ARSG: variants seen among roughly 807,000 people sequenced by gnomAD.
ARSG encodes the protein arylsulfatase G.
Under a neutral mutation model 50.5 loss-of-function variants are expected in ARSG, and 37 were observed. That is an observed-to-expected ratio of 0.73 (90% CI 0.56 to 0.96). The LOEUF (loss-of-function observed/expected upper bound fraction) is 0.96, where lower values mean the gene tolerates loss of function less well. ARSG is among the 50% of genes least tolerant of loss of function. The pLI is 0.00. For synonymous variants in ARSG, 225 were observed against 254.6 expected (o/e 0.88, Z 1.11); for missense variants, 629 against 675.3 (o/e 0.93, Z 0.76).
At chr17:68,353,775 C>G (rs2078906921) in intron 5 of ARSG, among the ~76,000 whole-genome samples, 1 of 152,182 alleles carries the variant, frequency 6.6e-6, no homozygotes. Flanking sequence ...AATCTCTGAT[C>G]ATTACAATTT....
chr17:68,371,797 A>G (rs1316523403), intron 8 of ARSG, among the ~76,000 whole-genome samples: 1 of 152,240 alleles, frequency 6.6e-6, no homozygotes, highest in Non-Finnish European at 1.5e-5. Context: ...AAGGAATAAC[A>G]AAGAACCACT....
At chr17:68,354,241 C>T (rs1194466505) in intron 5 of ARSG, among the ~76,000 whole-genome samples, 1 of 149,844 alleles carries the variant, frequency 6.7e-6, no homozygotes, top group Admixed American at 6.6e-5. Context: ...GTCAACACAA[C>T]AAAACCCCAT....
intron 11 of ARSG, among the ~76,000 whole-genome samples, chr17:68,407,900 C>G (rs1018227217): frequency 1.3e-5 from 2 of 151,914 alleles, no homozygotes; most frequent in African/African-American, 2.4e-5. Context: ...CTAGGACTTC[C>G]AGTAGTATGT....
At chr17:68,328,981 C>G (rs2145976852) in intron 2 of ARSG, among the ~76,000 whole-genome samples, 1 of 152,306 alleles carries the variant, frequency 6.6e-6, no homozygotes, top group South Asian at 2.1e-4. Flanking sequence ...TTGTGGAACT[C>G]TAATCTGGAT....
intron 4 of ARSG, 147 bp from the exon 5 acceptor site, chr17:68,351,428 G>A (rs1188719064): frequency 3.5e-6 from 2 of 567,326 alleles, no homozygotes; most frequent in East Asian, 2.9e-5. Context: ...ACTACAAAGG[G>A]ATATTAATCA....
At chr17:68,402,655 G>A (rs1272186748) in intron 11 of ARSG, among the ~76,000 whole-genome samples, 1 of 152,048 alleles carries the variant, frequency 6.6e-6, no homozygotes, top group Non-Finnish European at 1.5e-5. Flanking sequence ...CTCCCGAGTA[G>A]CTGGGACTAC....
the ARSG span, chr17:68,430,240 A>G: frequency 2.1e-6 from 3 of 1,425,466 alleles, no homozygotes; most frequent in Non-Finnish European, 9.5e-7. Flanking sequence ...CCCAAGCGTC[A>G]TTAGCCACAC....
the ARSG span, among the ~76,000 whole-genome samples, chr17:68,451,088 C>T: frequency 0.011 from 1,626 of 152,336 alleles, 25 homozygotes; most frequent in African/African-American, 0.037. Context: ...GCTTTTTACC[C>T]TCTCCCAGGG....
chr17:68,449,624 C>T, the ARSG span, among the ~76,000 whole-genome samples: 7 of 152,186 alleles, frequency 4.6e-5, no homozygotes, highest in African/African-American at 1.7e-4. Context: ...ACCCCCCACC[C>T]GTCTCTTGGT....
intron 7 of ARSG, 145 bp downstream of exon 7, chr17:68,368,889 G>T (rs549586426): frequency 9.5e-6 from 9 of 943,820 alleles, no homozygotes; most frequent in African/African-American, 6.7e-5. Flanking sequence ...AAGGCTTGCT[G>T]GCCTGAATGC....
chr17:68,340,912 C>T (rs1022673496), intron 2 of ARSG, among the ~76,000 whole-genome samples: 2 of 152,070 alleles, frequency 1.3e-5, no homozygotes, highest in African/African-American at 4.8e-5. Flanking sequence ...TTAATTTTAA[C>T]ATTATAGGTT....
chr17:68,383,136 T>C (rs2080518171), intron 8 of ARSG, among the ~76,000 whole-genome samples: 1 of 152,102 alleles, frequency 6.6e-6, no homozygotes. Flanking sequence ...GAAGAGCGTA[T>C]TAGGAAAGTC....
intron 2 of ARSG, among the ~76,000 whole-genome samples, chr17:68,321,245 G>GA (rs2077271525): frequency 1.3e-5 from 2 of 152,262 alleles, no homozygotes; most frequent in African/African-American, 4.8e-5. Context: ...ATGAGTAGAC[G>GA]AAAGGCACCA....
chr17:68,342,809 A>G (rs568240110), intron 2 of ARSG, among the ~76,000 whole-genome samples: 36 of 152,308 alleles, frequency 2.4e-4, no homozygotes, highest in African/African-American at 8.7e-4. Flanking sequence ...GGCTCTAAAT[A>G]CACTGTGAGG....
chr17:68,424,469 A>C (rs760619413), downstream of ARSG: 1 of 534,832 alleles, frequency 1.9e-6, no homozygotes, highest in Non-Finnish European at 3.8e-6. Flanking sequence ...CTCAATGGAC[A>C]CAAAACAATG....
At chr17:68,262,016 G>C (rs1555745280) in intron 1 of ARSG, among the ~76,000 whole-genome samples, 1 of 152,054 alleles carries the variant, frequency 6.6e-6, no homozygotes, top group African/African-American at 2.4e-5. Flanking sequence ...AATGAGCTGG[G>C]TGTGGTGGCG....
intron 8 of ARSG, among the ~76,000 whole-genome samples, chr17:68,373,981 C>G (rs2080004706): frequency 6.6e-6 from 1 of 151,712 alleles, no homozygotes; most frequent in African/African-American, 2.4e-5. Flanking sequence ...CACGGTGAAA[C>G]CCCGTCTCTA....
At chr17:68,314,264 C>T (rs1230028903) in intron 2 of ARSG, among the ~76,000 whole-genome samples, 2 of 151,944 alleles carry the variant, frequency 1.3e-5, no homozygotes, top group Admixed American at 1.3e-4. Context: ...CAGTGGCTCA[C>T]ACCTGTAATC....
chr17:68,305,740 T>A (rs2076581440), intron 1 of ARSG, among the ~76,000 whole-genome samples: 1 of 152,172 alleles, frequency 6.6e-6, no homozygotes, highest in Non-Finnish European at 1.5e-5. Flanking sequence ...ATTAACTTTT[T>A]AAAACCATTT....
Sources: allele counts gnomAD v4.1 joint callset (sites outside exome capture counted in the v4.1 genomes callset), GRCh38; gene constraint gnomAD v4.1.1; transcripts MANE v1.5; gene names NCBI Gene and HGNC (gene_info 2026-07-23, HGNC 2026-07-21).